Variants in SPPL3 observed in about 807,000 individuals in gnomAD.
SPPL3 encodes signal peptide peptidase-like 3.
SPPL3 carries 5 observed loss-of-function variants against 42.4 expected under a neutral mutation model. That is an observed-to-expected ratio of 0.12 (90% CI 0.06 to 0.25). SPPL3 has a LOEUF of 0.25. SPPL3 is among the 10% of genes least tolerant of loss of function. The pLI is 1.00. For missense variants in SPPL3, 235 were observed against 489.0 expected (o/e 0.48, Z 4.90); for synonymous variants, 195 against 181.8 (o/e 1.07, Z -0.58).
At chr12:120,806,587 G>A (rs1466797236) in intron 2 of SPPL3, among the ~76,000 whole-genome samples, 10 of 152,182 alleles carry the variant, frequency 6.6e-5, no homozygotes, top group African/African-American at 1.9e-4. Flanking sequence ...GGTGGCTCAC[G>A]CCTGTAATCC....
chr12:120,805,440 G>A (rs1466599074), intron 2 of SPPL3, among the ~76,000 whole-genome samples: 1 of 152,206 alleles, frequency 6.6e-6, no homozygotes, highest in Non-Finnish European at 1.5e-5. Context: ...AATGGGAAAT[G>A]CTTTCCCTGA....
chr12:120,865,476 T>C (rs1048474545), intron 1 of SPPL3, among the ~76,000 whole-genome samples: 1 of 152,328 alleles, frequency 6.6e-6, no homozygotes, highest in East Asian at 1.9e-4. Flanking sequence ...ATGAGTACAA[T>C]AGTATCTATC....
intron 1 of SPPL3, among the ~76,000 whole-genome samples, chr12:120,866,288 G>T (rs1473678092): frequency 6.6e-6 from 1 of 151,916 alleles, no homozygotes. Context: ...GTGACCTAAG[G>T]TACCTCCGCC....
chr12:120,877,994 G>A (rs1316602030), intron 1 of SPPL3, among the ~76,000 whole-genome samples: 1 of 151,150 alleles, frequency 6.6e-6, no homozygotes, highest in Non-Finnish European at 1.5e-5. Context: ...ACTCCAGCCT[G>A]GGCAAGAGAG....
chr12:120,841,512 G>A (rs1263584103), intron 1 of SPPL3, among the ~76,000 whole-genome samples: 1 of 152,006 alleles, frequency 6.6e-6, no homozygotes, highest in Non-Finnish European at 1.5e-5. Context: ...AAACCTTCAT[G>A]TTATGGAAGT....
intron 1 of SPPL3, among the ~76,000 whole-genome samples, chr12:120,817,517 T>C (rs1767509439): frequency 6.6e-6 from 1 of 152,218 alleles, no homozygotes; most frequent in Non-Finnish European, 1.5e-5. Flanking sequence ...TCTTACATTA[T>C]ACCAGTAGAC....
intron 1 of SPPL3, among the ~76,000 whole-genome samples, chr12:120,867,424 T>C (rs1664736215): frequency 1.3e-5 from 2 of 152,154 alleles, no homozygotes. Context: ...CCCAGCACTT[T>C]GGAAGGCCGA....
At chr12:120,845,615 A>G (rs1871999410) in intron 1 of SPPL3, 2 of 450,718 alleles carry the variant, frequency 4.4e-6, no homozygotes, top group Non-Finnish European at 4.3e-6. Flanking sequence ...CTTTTCTGTC[A>G]AAAAGGCCCT....
Position 120,764,661 on chromosome 12 carries a change from C to T in SPPL3, c.*338G>A, listed in dbSNP as rs1389508636. 4 of 394,066 alleles carry T rather than the reference C, an allele frequency of 1.0e-5. No homozygotes were observed. Among genetic ancestry groups the T allele is most frequent in the Non-Finnish European group, 1.3e-5 (3 of 223,592 alleles). 24.4% of individuals were successfully genotyped at this position (394,066 alleles called of 1,614,324 possible). The stretch of plus-strand genomic sequence containing the variant: ...GTTCAAAAGTTCTAGAAAGACTCCT[C>T]GCTGTTTTCAGTTTTTAAACAGTCA... On this transcript the variant is annotated 3_prime_UTR_variant, in exon 11 of 11. Transcript: ENST00000353487.
rs71076677 is a variant in SPPL3, at chr12:120,876,808, T to TACACACACAC, written c.23+27027_23+27036dup. On this transcript the variant is annotated intron_variant, in intron 1 of 10. Coordinates refer to ENST00000353487, the MANE Select transcript of SPPL3 (RefSeq NM_139015.5). ...CTAAGCTTCTACCTTGAGAAACACATACACACACACACACACACACACACA... is the reference window on the plus strand; with the variant it reads ...CTAAGCTTCTACCTTGAGAAACACATACACACACACACACACACACACACACACACACACA... Among the ~76,000 whole-genome samples the TACACACACAC allele has an allele frequency of 1.6e-3, 232 of 146,692 alleles. 1 individual carries two copies. Among genetic ancestry groups the TACACACACAC allele is most frequent in the African/African-American group, 5.2e-3 (209 of 39,990 alleles).
Position 120,845,104 on chromosome 12 carries a change from C to T in SPPL3, c.24-34218G>A, listed in dbSNP as rs183382833. Reference sequence around the variant, plus strand: ...CAAGAGGAGTGAGAGGGAGGGGTGTCGCATTCACTTCTGGTTCCGGAGCGG... The same window carrying T: ...CAAGAGGAGTGAGAGGGAGGGGTGTTGCATTCACTTCTGGTTCCGGAGCGG... On this transcript the variant is annotated intron_variant, in intron 1 of 10. Transcript: ENST00000353487. The T allele has an allele frequency of 1.3e-3, 487 of 389,382 alleles. 7 individuals carry two copies. The highest frequency in any genetic ancestry group is 0.011 in the South Asian group (477 of 41,668). The allele number at this position is 389,382 out of a possible 1,614,324, so 24.1% of individuals were successfully genotyped here.
chr12:120,874,667 C>T (rs1327822827), intron 1 of SPPL3, among the ~76,000 whole-genome samples: 1 of 151,982 alleles, frequency 6.6e-6, no homozygotes, highest in Non-Finnish European at 1.5e-5. Context: ...CATCAATATT[C>T]CTGTCGATGT....
At chr12:120,769,090 A>C in intron 6 of SPPL3, 31 bp from the exon 7 acceptor site, 1 of 1,542,628 alleles carries the variant, frequency 6.5e-7, no homozygotes, top group Non-Finnish European at 8.9e-7. Flanking sequence ...AGCAGACAGC[A>C]GTCAGTGTGG....
chr12:120,777,136 C>T (rs1347319080), intron 6 of SPPL3, among the ~76,000 whole-genome samples: 1 of 152,148 alleles, frequency 6.6e-6, no homozygotes, highest in East Asian at 1.9e-4. Flanking sequence ...AACTTACATG[C>T]ACTGAAAAAA....
intron 1 of SPPL3, among the ~76,000 whole-genome samples, chr12:120,854,452 G>A (rs1438039327): frequency 1.3e-5 from 2 of 152,120 alleles, no homozygotes; most frequent in Non-Finnish European, 2.9e-5. Flanking sequence ...CAACAGCACA[G>A]GTCTTTTTTC....
At chr12:120,779,820 C>CAAAAAAAAAAAAAAAAAA (rs1164272443) in intron 6 of SPPL3, among the ~76,000 whole-genome samples, 5 of 42,778 alleles carry the variant, frequency 1.2e-4, no homozygotes, top group African/African-American at 2.6e-4. Flanking sequence ...ACTAAAAATA[C>CAAAAAAAAAAAAAAAAAA]AAAAAAAAAA....
At chr12:120,843,873 G>A (rs760959083) in intron 1 of SPPL3, among the ~76,000 whole-genome samples, 4 of 152,150 alleles carry the variant, frequency 2.6e-5, no homozygotes, top group Non-Finnish European at 5.9e-5. Flanking sequence ...CAGGAGAATC[G>A]CTTGAACCCG....
intron 1 of SPPL3, among the ~76,000 whole-genome samples, chr12:120,887,863 G>A (rs909357054): frequency 6.6e-6 from 1 of 152,164 alleles, no homozygotes; most frequent in African/African-American, 2.4e-5. Context: ...ACAATAACAA[G>A]TGTTGGTGAA....
At chr12:120,842,901 C>T (rs1021404363) in intron 1 of SPPL3, among the ~76,000 whole-genome samples, 1 of 152,012 alleles carries the variant, frequency 6.6e-6, no homozygotes, top group East Asian at 1.9e-4. Flanking sequence ...GAAAAAAATG[C>T]CATTTTTAAA....
Sources: allele counts gnomAD v4.1 joint callset (sites outside exome capture counted in the v4.1 genomes callset), GRCh38; gene constraint gnomAD v4.1.1; transcripts MANE v1.5; gene names NCBI Gene and HGNC (gene_info 2026-07-23, HGNC 2026-07-21).